The following NUP214 variants were observed in gnomAD, a reference collection of about 807,000 sequenced individuals.
NUP214 encodes the protein nuclear pore complex protein Nup214.
A neutral mutation model predicts 196.2 loss-of-function variants in NUP214; 79 were observed. That is an observed-to-expected ratio of 0.40 (90% confidence interval 0.34 to 0.49). NUP214 has a LOEUF of 0.49. NUP214 is among the 20% of genes least tolerant of loss of function. NUP214 has a pLI of 0.58. For missense variants in NUP214, 2,468 were observed against 2,539.0 expected (o/e 0.97, Z 0.60); for synonymous variants, 1,020 against 990.5 (o/e 1.03, Z -0.56).
chr9:131,136,147 T>C, intron 9 of NUP214, 141 bp downstream of exon 9: 1 of 647,116 alleles, frequency 1.5e-6, no homozygotes, highest in Non-Finnish European at 2.6e-6. Flanking sequence ...TTCAAGCAAT[T>C]TTGTGCCTCA....
chr9:131,145,354 G>A (rs1479944409), intron 12 of NUP214, among the ~76,000 whole-genome samples: 3 of 151,924 alleles, frequency 2.0e-5, no homozygotes, highest in Non-Finnish European at 4.4e-5. Context: ...TAAGCTTTTG[G>A]AGGGAAGCAA....
Position 131,232,247 on chromosome 9 carries a change from A to G in NUP214, c.6215-37A>G, listed in dbSNP as rs199660496. The G allele has an allele frequency of 1.8e-5, 29 of 1,613,580 alleles. No homozygotes were observed. The Middle Eastern group carries it at 1.5e-3, about 82-fold the overall frequency. On this transcript the variant is annotated intron_variant, in intron 34 of 35. Coordinates refer to ENST00000359428, the MANE Select transcript of NUP214 (RefSeq NM_005085.4). This position sits in a 1 kb window ranked among gnomAD's most constrained non-coding sequence, Gnocchi z 5.1. ...GGGACCACCTTTGTCTTTCGAGTGGATGCGTGCTTTAACTTCACTCTTATT... is the reference window on the plus strand; with the variant it reads ...GGGACCACCTTTGTCTTTCGAGTGGGTGCGTGCTTTAACTTCACTCTTATT...
At chr9:131,192,800 G>A (rs1228279597) in intron 27 of NUP214, 1 of 152,808 alleles carries the variant, frequency 6.5e-6, no homozygotes, top group Non-Finnish European at 1.5e-5. Flanking sequence ...AATTAACCAG[G>A]TACGTTGGTT....
Position 131,208,433 on chromosome 9 carries a change from C to T in NUP214, c.5592+6716C>T, listed in dbSNP as rs552058882. 2.6e-5 allele frequency among the ~76,000 whole-genome samples: 4 copies of T among 152,390 alleles called. No homozygotes were observed. In the South Asian group the frequency reaches 6.2e-4, roughly 24 times the overall value. ...AAGTTCTTGGCCGGGTGCAGTGGCT[C>T]ACGCCTGTAATCCCAGCACTTTGGG... On this transcript the variant is annotated intron_variant, in intron 30 of 35. Coordinates refer to ENST00000359428, the MANE Select transcript of NUP214 (RefSeq NM_005085.4).
In NUP214 at chr9:131,215,221, T is replaced by C. The variant is rs781770942; in HGVS notation, c.5602T>C (p.Ser1868Pro). Residue 1868 changes from serine (S) to proline (P), a missense_variant, in exon 31 of 36, where the codon TCT becomes CCT. Transcript: ENST00000359428. ...GGIVFGQQSS[S>P]SSGSVFGSGN... ...CCCTTTTGTTTTTTAGCAATCATCCTCTTCCAGTGGTAGCGTGTTTGGGTC... is the reference window on the plus strand; with the variant it reads ...CCCTTTTGTTTTTTAGCAATCATCCCCTTCCAGTGGTAGCGTGTTTGGGTC... 13 of 1,537,460 alleles carry C rather than the reference T, an allele frequency of 8.5e-6. No homozygotes were observed. In the South Asian group the frequency reaches 1.4e-4, roughly 16 times the overall value.
chr9:131,193,705 G>A (rs568099505), intron 27 of NUP214, among the ~76,000 whole-genome samples: 262 of 125,846 alleles, frequency 2.1e-3, no homozygotes, highest in Non-Finnish European at 3.3e-3. Context: ...TGGTTGGAGC[G>A]CAGTGGTGAG....
chr9:131,166,074 A>G (rs1215836359), intron 21 of NUP214, among the ~76,000 whole-genome samples: 1 of 152,238 alleles, frequency 6.6e-6, no homozygotes, highest in Admixed American at 6.5e-5. Context: ...CTTAATACCA[A>G]TGAACTGTGT....
At chr9:131,134,852 GA>G (rs1232002760) in intron 7 of NUP214, 45 bp from the exon 8 acceptor site, 3 of 1,276,694 alleles carry the variant, frequency 2.3e-6, no homozygotes, top group African/African-American at 1.5e-5. Context: ...TGGGATCTGA[GA>G]AAAATTGCAC....
chr9:131,181,370 A>G (rs183532365), intron 24 of NUP214, among the ~76,000 whole-genome samples: 28 of 152,316 alleles, frequency 1.8e-4, no homozygotes, highest in African/African-American at 6.5e-4. Flanking sequence ...TTGGGTATGT[A>G]TGTAGGAGTG....
chr9:131,141,917 T>C (rs17454440), intron 11 of NUP214, among the ~76,000 whole-genome samples: 2,308 of 152,278 alleles, frequency 0.015, 19 homozygotes, highest in Middle Eastern at 0.044. Context: ...TAAGCAAAAA[T>C]GTATGACCAG....
chr9:131,175,959 G>A (rs1045499497), intron 23 of NUP214, among the ~76,000 whole-genome samples: 8 of 151,740 alleles, frequency 5.3e-5, no homozygotes, highest in African/African-American at 9.7e-5. Flanking sequence ...TTCGATCATC[G>A]AATAACACTA....
intron 9 of NUP214, among the ~76,000 whole-genome samples, chr9:131,138,476 C>T (rs1831808228): frequency 6.6e-6 from 1 of 152,160 alleles, no homozygotes; most frequent in South Asian, 2.1e-4. Flanking sequence ...CCTCAGCCTC[C>T]CAAAGTGCTG....
In NUP214 at chr9:131,161,173, C is replaced by T. The variant is rs1032622825; in HGVS notation, c.2540+1687C>T. The stretch of plus-strand genomic sequence containing the variant: ...GTTCTCTTTCTGCAGAGTTCAAATT[C>T]TTAAATCTGTACAATTTTCTATTTT... On this transcript the variant is annotated intron_variant, in intron 18 of 35. Coordinates refer to ENST00000359428, the MANE Select transcript of NUP214 (RefSeq NM_005085.4). Among the ~76,000 whole-genome samples the T allele has an allele frequency of 5.3e-5, 8 of 151,582 alleles. No individual in the cohort carries two copies. In the East Asian group the frequency reaches 1.5e-3, roughly 29 times the overall value.
chr9:131,221,408 C>T (rs79107680), intron 31 of NUP214, among the ~76,000 whole-genome samples: 1 of 152,150 alleles, frequency 6.6e-6, no homozygotes, highest in Non-Finnish European at 1.5e-5. Flanking sequence ...GTGACTGGGT[C>T]CCAAAGTGAG....
In NUP214 at chr9:131,228,399, T is replaced by C. The variant is rs12340027; in HGVS notation, c.6074+68T>C. ...CAAAAAGCACTAGGGGCCTGTACTC[T>C]TGCTCTGAAAAGAAATTTGACCATG... On this transcript the variant is annotated intron_variant, in intron 33 of 35. Transcript: ENST00000359428. The C allele has an allele frequency of 1.9e-3, 2,753 of 1,465,016 alleles. 37 individuals carry two copies. The African/African-American group carries it at 0.032, about 17-fold the overall frequency. The allele number at this position is 1,465,016 out of a possible 1,614,324, so 90.8% of individuals were successfully genotyped here. A position where few individuals can be genotyped will look rare whatever the true frequency, so the allele number is the denominator to read the frequency against.
Position 131,127,644 on chromosome 9 carries a change from G to A in NUP214, c.166G>A (p.Ala56Thr). ...ATATGGTCTGGTCTTCGCTGGTGGA[G>A]CCAGTGGCTTGCAGATTTTTCCTAC... ...NKYGLVFAGG[A>T]SGLQIFPTKN... Residue 56 changes from alanine (A) to threonine (T), a missense_variant, in exon 2 of 36, where the codon GCC becomes ACC. By Grantham distance (58) the Ala-to-Thr change is moderately conservative (BLOSUM62 0). Around this residue, in one of 5 missense-constraint regions of NUP214, gnomAD observed 392 missense variants for 417.9 expected, o/e 0.94. Transcript: ENST00000359428. The A allele has an allele frequency of 6.2e-7, 1 of 1,614,132 alleles. No homozygotes were observed. Among genetic ancestry groups the A allele is most frequent in the Non-Finnish European group, 8.5e-7 (1 of 1,179,986 alleles).
chr9:131,234,025 G>T lies in NUP214; in HGVS notation c.*538G>T. On this transcript the variant is annotated 3_prime_UTR_variant, in exon 36 of 36. Coordinates refer to ENST00000359428, the MANE Select transcript of NUP214 (RefSeq NM_005085.4). Reference sequence around the variant, plus strand: ...CACTCTGCGATTGAGTGGAGGCAGAGGAAGCCACTCATGCCAGCAGCAGTT... The same window carrying T: ...CACTCTGCGATTGAGTGGAGGCAGATGAAGCCACTCATGCCAGCAGCAGTT... 1 of 254,996 alleles carries T rather than the reference G, an allele frequency of 3.9e-6. No individual in the cohort carries two copies. Among genetic ancestry groups the T allele is most frequent in the Non-Finnish European group, 7.6e-6 (1 of 131,092 alleles). 15.8% of individuals were successfully genotyped at this position (254,996 alleles called of 1,614,324 possible).
chr9:131,223,071 T>C, intron 32 of NUP214, 141 bp downstream of exon 32: 2 of 666,320 alleles, frequency 3.0e-6, no homozygotes, highest in Non-Finnish European at 4.7e-6. Flanking sequence ...CTCCGCATTA[T>C]TTTTATATTT....
chr9:131,187,397 T>C, intron 25 of NUP214, 33 bp downstream of exon 25: 3 of 1,552,728 alleles, frequency 1.9e-6, no homozygotes, highest in Non-Finnish European at 2.6e-6. Context: ...TTTTTTTTTT[T>C]TTTTTTTGAG....
Sources: gnomAD v4.1 joint callset for allele counts (sites outside exome capture counted in the v4.1 genomes callset) on GRCh38, gnomAD v4.1.1 for gene constraint, gnomAD v4.1.1 regional missense constraint, Gnocchi (gnomAD v3.1) non-coding constraint, MANE v1.5 for transcripts, NCBI Gene and HGNC (gene_info 2026-07-23, HGNC 2026-07-21) for gene names.